PBRM1: variants seen among roughly 807,000 people sequenced by gnomAD.
The protein encoded by PBRM1 is polybromo 1.
PBRM1 carries 27 observed loss-of-function variants against 194.5 expected under a neutral mutation model. The observed-to-expected ratio is 0.14, with a 90% CI of 0.10 to 0.19. The LOEUF is 0.19. PBRM1 is among the 10% of genes least tolerant of loss of function. The probability of loss-of-function intolerance (pLI) is 1.00; values close to 1 mark genes in which losing one functional copy is unlikely to be tolerated. For synonymous variants in PBRM1, 655 were observed against 693.2 expected (o/e 0.94, Z 0.87); for missense variants, 1,466 against 2,077.2 (o/e 0.71, Z 5.72).
intron 22 of PBRM1, among the ~76,000 whole-genome samples, chr3:52,565,586 G>A (rs1056496782): frequency 2.6e-5 from 4 of 151,210 alleles, no homozygotes; most frequent in Non-Finnish European, 5.9e-5. Context: ...GAAAAGATAA[G>A]CCATAGAAGA....
At chr3:52,643,634 T>A (rs547550918) in intron 8 of PBRM1, among the ~76,000 whole-genome samples, 2 of 152,136 alleles carry the variant, frequency 1.3e-5, no homozygotes, top group South Asian at 4.2e-4. Flanking sequence ...ACCTTCCCAT[T>A]TCAGGTAGGG....
At chr3:52,607,009 T>A (rs1022818765) in intron 16 of PBRM1, among the ~76,000 whole-genome samples, 2 of 151,996 alleles carry the variant, frequency 1.3e-5, no homozygotes, top group Middle Eastern at 3.2e-3. Context: ...TGGGTAGGGG[T>A]AGGGGTAAAT....
intron 20 of PBRM1, among the ~76,000 whole-genome samples, chr3:52,584,746 A>G (rs557404817): frequency 4.0e-5 from 6 of 151,802 alleles, no homozygotes; most frequent in African/African-American, 1.4e-4. Flanking sequence ...ATGAGCCAAC[A>G]CGCCTGCCAT....
intron 13 of PBRM1, among the ~76,000 whole-genome samples, chr3:52,618,591 GTTT>G (rs67103558): frequency 8.9e-5 from 11 of 123,474 alleles, no homozygotes; most frequent in Admixed American, 1.8e-4. Flanking sequence ...TTATGACTTA[GTTT>G]TTTTTTTTTT....
intron 22 of PBRM1, among the ~76,000 whole-genome samples, chr3:52,565,738 G>C (rs955686469): frequency 2.0e-5 from 3 of 151,784 alleles, no homozygotes; most frequent in African/African-American, 7.3e-5. Context: ...AAAGACATAC[G>C]AATGTCCAAT....
intron 22 of PBRM1, among the ~76,000 whole-genome samples, chr3:52,567,444 C>T (rs2085614602): frequency 6.6e-6 from 1 of 151,524 alleles, no homozygotes; most frequent in South Asian, 2.1e-4. Context: ...ATCAAACTGC[C>T]TTCCATAAAG....
chr3:52,588,004 A>AT (rs1216771626), intron 18 of PBRM1, among the ~76,000 whole-genome samples: 2 of 149,690 alleles, frequency 1.3e-5, no homozygotes, highest in South Asian at 2.1e-4. Context: ...TGATTTTCTT[A>AT]TTTTTTCTAG....
At chr3:52,657,809 C>T (rs150412945) in intron 5 of PBRM1, among the ~76,000 whole-genome samples, 8 of 136,190 alleles carry the variant, frequency 5.9e-5, no homozygotes, top group Admixed American at 1.5e-4. Flanking sequence ...AAATTTGAGA[C>T]GGAGTTTCGC....
chr3:52,615,593 G>C, intron 14 of PBRM1, 137 bp from the exon 17 acceptor site: 1 of 603,514 alleles, frequency 1.7e-6, no homozygotes, highest in Non-Finnish European at 2.9e-6. Flanking sequence ...CCTCACTACA[G>C]AGCAATAAAA....
intron 13 of PBRM1, among the ~76,000 whole-genome samples, chr3:52,621,897 G>A (rs573554696): frequency 7.9e-5 from 12 of 151,972 alleles, no homozygotes; most frequent in African/African-American, 1.2e-4. Context: ...TTAAAAAAGC[G>A]TAGTCAGGCA....
intron 21 of PBRM1, among the ~76,000 whole-genome samples, chr3:52,577,297 A>T (rs962252955): frequency 6.6e-6 from 1 of 151,980 alleles, no homozygotes; most frequent in Non-Finnish European, 1.5e-5. Flanking sequence ...CAGCCCTGGC[A>T]GTGTGCACCT....
chr3:52,628,679 C>A (rs1384873809), intron 12 of PBRM1, among the ~76,000 whole-genome samples: 1 of 151,766 alleles, frequency 6.6e-6, no homozygotes, highest in Non-Finnish European at 1.5e-5. Context: ...GCTATGTTGC[C>A]CAAGCTGGTC....
At chr3:52,593,708 G>A (rs1233669962) in intron 17 of PBRM1, among the ~76,000 whole-genome samples, 4 of 152,128 alleles carry the variant, frequency 2.6e-5, no homozygotes, top group Admixed American at 6.6e-5. Flanking sequence ...TCCAGGAGTA[G>A]GTTGGTTAAT....
chr3:52,588,290 C>T (rs537159429), intron 18 of PBRM1, among the ~76,000 whole-genome samples: 69 of 152,322 alleles, frequency 4.5e-4, no homozygotes, highest in Admixed American at 1.4e-3. Context: ...AATTTCTATG[C>T]ATACTCCATG....
chr3:52,645,173 CA>C (rs1168599776), intron 7 of PBRM1, among the ~76,000 whole-genome samples: 1 of 152,210 alleles, frequency 6.6e-6, no homozygotes, highest in African/African-American at 2.4e-5. Context: ...CTTCCATCCA[CA>C]AATGTAATTC....
chr3:52,567,869 G>A (rs2085843876), intron 22 of PBRM1, among the ~76,000 whole-genome samples: 3 of 142,840 alleles, frequency 2.1e-5, no homozygotes, highest in South Asian at 2.2e-4. Flanking sequence ...GGCTGGTCTC[G>A]AACTTCTGAC....
At chr3:52,568,383 T>A (rs1027761001) in intron 22 of PBRM1, among the ~76,000 whole-genome samples, 1 of 152,230 alleles carries the variant, frequency 6.6e-6, no homozygotes. Flanking sequence ...ATGAGGAAAA[T>A]CAGATCTTTG....
chr3:52,591,817 C>CTTT (rs34822595), intron 17 of PBRM1, among the ~76,000 whole-genome samples: 8 of 94,942 alleles, frequency 8.4e-5, no homozygotes, highest in African/African-American at 1.3e-4. Context: ...TGCGCCCGGC[C>CTTT]TTTTTTTTTT....
Position 52,566,689 on chromosome 3 carries a change from A to G in PBRM1, c.3692-2456T>C, listed in dbSNP as rs75404951. Among the ~76,000 whole-genome samples, 888 of 152,338 alleles carry G rather than the reference A, an allele frequency of 5.8e-3. 29 individuals carry two copies. In the East Asian group the frequency reaches 0.085, roughly 15 times the overall value. ...AAATAAAGAGTTGTTTAACAGGTACAAAGTTTTTATTTGGGATAATGAAAA... is the reference window on the plus strand; with the variant it reads ...AAATAAAGAGTTGTTTAACAGGTACGAAGTTTTTATTTGGGATAATGAAAA... On this transcript the variant is annotated intron_variant, in intron 22 of 29. Coordinates refer to ENST00000296302, the Ensembl canonical transcript of PBRM1.
Sources: gnomAD v4.1 joint callset for allele counts (sites outside exome capture counted in the v4.1 genomes callset) on GRCh38, gnomAD v4.1.1 for gene constraint, MANE v1.5 for transcripts, NCBI Gene and HGNC (gene_info 2026-07-23, HGNC 2026-07-21) for gene names.